NPAS3: variants seen among roughly 807,000 people sequenced by gnomAD.
The protein encoded by NPAS3 is neuronal PAS domain-containing protein 3.
NPAS3 carries 14 observed loss-of-function variants against 73.1 expected under a neutral mutation model. That is an observed-to-expected ratio of 0.19 (90% CI 0.13 to 0.30). The LOEUF (loss-of-function observed/expected upper bound fraction) is 0.30. NPAS3 is among the 10% of genes least tolerant of loss of function. NPAS3 has a pLI of 1.00. For missense variants in NPAS3, 1,096 were observed against 1,250.0 expected, an observed-to-expected ratio of 0.88 and a Z score of 1.86; for synonymous variants, 620 against 541.5, an observed-to-expected ratio of 1.14 and a Z score of -2.01.
chr14:32,993,805 T>C (rs1484091593), intron 1 of NPAS3, among the ~76,000 whole-genome samples: 1 of 152,206 alleles, frequency 6.6e-6, no homozygotes, highest in Non-Finnish European at 1.5e-5. Context: ...AAATAAGATA[T>C]TGTTACCTTT....
intron 4 of NPAS3, among the ~76,000 whole-genome samples, chr14:33,434,046 G>A (rs1298168895): frequency 6.6e-6 from 1 of 152,122 alleles, no homozygotes; most frequent in East Asian, 1.9e-4. Flanking sequence ...ACAAAAATTA[G>A]CTGGGCGTGG....
At chr14:33,578,288 G>A (rs1348634458) in intron 5 of NPAS3, 1 of 452,516 alleles carries the variant, frequency 2.2e-6, no homozygotes. Context: ...CCACCTCCTG[G>A]GTTCAAGTGA....
At chr14:33,576,759 A>G (rs1336317802) in intron 5 of NPAS3, among the ~76,000 whole-genome samples, 1 of 152,198 alleles carries the variant, frequency 6.6e-6, no homozygotes, top group Non-Finnish European at 1.5e-5. Context: ...ATAAAACACA[A>G]TGTTTAGCGT....
intron 3 of NPAS3, among the ~76,000 whole-genome samples, chr14:33,266,102 G>A (rs1477391754): frequency 6.6e-6 from 1 of 152,070 alleles, no homozygotes; most frequent in Non-Finnish European, 1.5e-5. Flanking sequence ...TGTTATAAAA[G>A]TGTGATGTCC....
chr14:33,787,453 T>G (rs540729189), intron 9 of NPAS3, among the ~76,000 whole-genome samples: 1 of 152,044 alleles, frequency 6.6e-6, no homozygotes, highest in African/African-American at 2.4e-5. Context: ...GCAGGGCCTG[T>G]CATTAGCGTA....
chr14:33,005,432 A>G (rs2038967740), intron 1 of NPAS3, among the ~76,000 whole-genome samples: 1 of 152,168 alleles, frequency 6.6e-6, no homozygotes, highest in African/African-American at 2.4e-5. Flanking sequence ...TGGGAGCACA[A>G]GTCCCATCAC....
At chr14:33,070,732 T>G (rs1177273968) in intron 2 of NPAS3, among the ~76,000 whole-genome samples, 1 of 152,230 alleles carries the variant, frequency 6.6e-6, no homozygotes. Flanking sequence ...CCTGTATTCA[T>G]GTACTGCTGG....
chr14:33,529,329 A>G (rs1315904933), intron 4 of NPAS3, among the ~76,000 whole-genome samples: 5 of 152,098 alleles, frequency 3.3e-5, no homozygotes, highest in Non-Finnish European at 7.4e-5. Context: ...GTGCTTAACT[A>G]GTCTATATTT....
chr14:33,572,416 C>T (rs1013791940), intron 5 of NPAS3, among the ~76,000 whole-genome samples: 1 of 152,146 alleles, frequency 6.6e-6, no homozygotes, highest in African/African-American at 2.4e-5. Context: ...TTACTCTGTG[C>T]CAGGCACTGT....
chr14:33,749,474 A>G (rs755083869), intron 7 of NPAS3, among the ~76,000 whole-genome samples: 6 of 152,204 alleles, frequency 3.9e-5, no homozygotes, highest in Non-Finnish European at 7.3e-5. Context: ...AATTAACAAT[A>G]TTATAATTGT....
chr14:33,163,394 G>A (rs1028689610), intron 2 of NPAS3, among the ~76,000 whole-genome samples: 1 of 152,156 alleles, frequency 6.6e-6, no homozygotes, highest in African/African-American at 2.4e-5. Context: ...TTCTGTTTAA[G>A]GGTACATGCG....
Position 33,055,939 on chromosome 14 carries a change from G to T in NPAS3, c.85G>T (p.Glu29Ter). ...CCAGCATCCTCTGCCCAACCAATCA[G>T]AATGTAGGAAAATCTACAGATATGA... Residue 29 changes from glutamate (E) to a stop codon, truncating the protein, a stop_gained, in exon 2 of 12, where the codon GAA becomes TAA. Transcript: ENST00000356141. LOFTEE classifies it high-confidence loss of function. The T allele has an allele frequency of 1.2e-6, 1 of 810,258 alleles. No individual in the cohort carries two copies. The allele number at this position is 810,258 out of a possible 1,614,324, so 50.2% of individuals were successfully genotyped here. A position where few individuals can be genotyped will look rare whatever the true frequency, so the allele number is the denominator to read the frequency against.
intron 4 of NPAS3, among the ~76,000 whole-genome samples, chr14:33,541,018 T>C (rs2054486449): frequency 1.3e-5 from 2 of 151,994 alleles, no homozygotes; most frequent in South Asian, 4.2e-4. Context: ...TTTATGGTAT[T>C]AGGCATCCAT....
At chr14:33,325,859 A>G (rs1027222294) in intron 3 of NPAS3, among the ~76,000 whole-genome samples, 2 of 152,004 alleles carry the variant, frequency 1.3e-5, no homozygotes, top group Non-Finnish European at 2.9e-5. Context: ...CACCTTTTCA[A>G]ATATTTTGAA....
intron 2 of NPAS3, among the ~76,000 whole-genome samples, chr14:33,135,510 G>T (rs1465023672): frequency 6.6e-6 from 1 of 152,096 alleles, no homozygotes; most frequent in Non-Finnish European, 1.5e-5. Flanking sequence ...AATCATTGCT[G>T]TGCAAAAATT....
chr14:33,269,424 GAA>G (rs1301885873), intron 3 of NPAS3, among the ~76,000 whole-genome samples: 1 of 152,164 alleles, frequency 6.6e-6, no homozygotes, highest in Non-Finnish European at 1.5e-5. Context: ...ACTCAGGTCA[GAA>G]TAGGTCTTGA....
intron 3 of NPAS3, among the ~76,000 whole-genome samples, chr14:33,338,576 G>A (rs1159193564): frequency 6.6e-6 from 1 of 152,116 alleles, no homozygotes; most frequent in Non-Finnish European, 1.5e-5. Flanking sequence ...TTGCTAGCTA[G>A]CTGTTTGACT....
At chr14:32,960,317 A>G (rs962145262) in intron 1 of NPAS3, among the ~76,000 whole-genome samples, 3 of 152,200 alleles carry the variant, frequency 2.0e-5, no homozygotes, top group African/African-American at 7.2e-5. Flanking sequence ...TGGAGAAGCC[A>G]TGTCTTATGT....
intron 4 of NPAS3, among the ~76,000 whole-genome samples, chr14:33,481,737 G>A (rs776545000): frequency 6.6e-6 from 1 of 151,524 alleles, no homozygotes; most frequent in Non-Finnish European, 1.5e-5. Flanking sequence ...ATTCAGAAAC[G>A]CATAAAAGAA....
Sources: allele counts gnomAD v4.1 joint callset (sites outside exome capture counted in the v4.1 genomes callset), GRCh38; gene constraint gnomAD v4.1.1; transcripts MANE v1.5; gene names NCBI Gene and HGNC (gene_info 2026-07-23, HGNC 2026-07-21).